Variants in PDGFC observed in about 807,000 individuals in gnomAD.
PDGFC encodes platelet derived growth factor C.
A neutral mutation model predicts 35.5 loss-of-function variants in PDGFC; 12 were observed. The observed-to-expected ratio is 0.34, with a 90% CI of 0.22 to 0.55. The LOEUF (loss-of-function observed/expected upper bound fraction) is 0.55. Among genes scored for constraint, PDGFC ranks in the 20% least tolerant of loss-of-function variants. The probability of loss-of-function intolerance (pLI) is 0.91; values close to 1 mark genes in which losing one functional copy is unlikely to be tolerated. For missense variants in PDGFC, 322 were observed against 412.4 expected (o/e 0.78, Z 1.90); for synonymous variants, 159 against 148.8 (o/e 1.07, Z -0.50).
At chr4:156,818,885 C>T (rs1277833937) in intron 2 of PDGFC, among the ~76,000 whole-genome samples, 1 of 152,062 alleles carries the variant, frequency 6.6e-6, no homozygotes, top group Non-Finnish European at 1.5e-5. Flanking sequence ...GTTAATTGGC[C>T]TTGTTCCAAT....
At chr4:156,953,273 T>A (rs992030733) in intron 1 of PDGFC, among the ~76,000 whole-genome samples, 1 of 151,910 alleles carries the variant, frequency 6.6e-6, no homozygotes, top group East Asian at 1.9e-4. Flanking sequence ...GACAGAGATA[T>A]AGGACCACCT....
intron 2 of PDGFC, among the ~76,000 whole-genome samples, chr4:156,847,181 A>C (rs1283083903): frequency 6.6e-6 from 1 of 151,764 alleles, no homozygotes; most frequent in Admixed American, 6.6e-5. Flanking sequence ...AATTAGCTAC[A>C]TACATCCAAA....
intron 1 of PDGFC, among the ~76,000 whole-genome samples, chr4:156,850,988 C>G (rs1282133109): frequency 1.3e-5 from 2 of 152,156 alleles, no homozygotes; most frequent in Non-Finnish European, 2.9e-5. Context: ...GCTTTTCTCA[C>G]TGATCTTTGA....
At chr4:156,852,715 C>T (rs1248808103) in intron 1 of PDGFC, among the ~76,000 whole-genome samples, 1 of 152,030 alleles carries the variant, frequency 6.6e-6, no homozygotes, top group Non-Finnish European at 1.5e-5. Flanking sequence ...CAAGTGAGCC[C>T]ACAAGATAAA....
chr4:156,954,440 G>A (rs1225542738), intron 1 of PDGFC, among the ~76,000 whole-genome samples: 2 of 151,866 alleles, frequency 1.3e-5, no homozygotes, highest in East Asian at 3.9e-4. Flanking sequence ...CTAAAAATAA[G>A]AAAGCACATG....
chr4:156,932,559 T>G (rs189717522), intron 1 of PDGFC, among the ~76,000 whole-genome samples: 5 of 152,130 alleles, frequency 3.3e-5, no homozygotes, highest in African/African-American at 1.2e-4. Flanking sequence ...TGGAATACTA[T>G]GCAGCCATAA....
In PDGFC at chr4:156,962,708, TC is replaced by T. The variant is rs543658701; in HGVS notation, c.118+8077del. Among the ~76,000 whole-genome samples, 6 of 152,152 alleles carry T rather than the reference TC, an allele frequency of 3.9e-5. No homozygotes were observed. The South Asian group carries it at 1.2e-3, about 32-fold the overall frequency. ...GTCCTGGCTTGGAGTCAGACCAAGG[TC>T]CAAACATCTACCAGCTGTGGGACCT... On this transcript the variant is annotated intron_variant, in intron 1 of 5. Transcript: ENST00000502773.
chr4:156,969,016 G>A (rs1015375298), intron 1 of PDGFC, among the ~76,000 whole-genome samples: 1 of 152,170 alleles, frequency 6.6e-6, no homozygotes, highest in East Asian at 1.9e-4. Flanking sequence ...GGGATCACAA[G>A]AGAGAACTAA....
At chr4:156,826,985 A>C (rs1021159139) in intron 2 of PDGFC, among the ~76,000 whole-genome samples, 6 of 152,202 alleles carry the variant, frequency 3.9e-5, no homozygotes, top group African/African-American at 1.4e-4. Context: ...TTTTTGAAGT[A>C]TTTTAAGCAT....
intron 1 of PDGFC, among the ~76,000 whole-genome samples, chr4:156,965,840 A>G (rs892559596): frequency 6.6e-6 from 1 of 152,168 alleles, no homozygotes; most frequent in Non-Finnish European, 1.5e-5. Flanking sequence ...TAACCCCAAT[A>G]TGAACTAAAA....
At chr4:156,782,095 A>G (rs1730995138) in intron 3 of PDGFC, among the ~76,000 whole-genome samples, 2 of 152,168 alleles carry the variant, frequency 1.3e-5, no homozygotes, top group African/African-American at 4.8e-5. Flanking sequence ...CCCTACAAGG[A>G]AAATTCTGAA....
intron 4 of PDGFC, among the ~76,000 whole-genome samples, chr4:156,772,330 T>C (rs1371698349): frequency 6.6e-6 from 1 of 152,168 alleles, no homozygotes; most frequent in Non-Finnish European, 1.5e-5. Flanking sequence ...GCAGCTATGA[T>C]AATTTCTTTT....
intron 1 of PDGFC, among the ~76,000 whole-genome samples, chr4:156,939,578 G>A (rs1238053061): frequency 2.0e-5 from 3 of 152,018 alleles, no homozygotes; most frequent in Non-Finnish European, 4.4e-5. Flanking sequence ...CATCAGACTT[G>A]TATTATTAGC....
intron 1 of PDGFC, among the ~76,000 whole-genome samples, chr4:156,867,158 T>G (rs1165007654): frequency 6.6e-6 from 1 of 152,244 alleles, no homozygotes; most frequent in Non-Finnish European, 1.5e-5. Context: ...TATGTTAGCA[T>G]GAATATTAAG....
chr4:156,891,567 G>A (rs935639896), intron 1 of PDGFC, among the ~76,000 whole-genome samples: 4 of 152,094 alleles, frequency 2.6e-5, no homozygotes, highest in African/African-American at 4.8e-5. Flanking sequence ...GTTTGGCATC[G>A]CTGAGGACAT....
intron 1 of PDGFC, among the ~76,000 whole-genome samples, chr4:156,937,458 G>A (rs1731710375): frequency 6.6e-6 from 1 of 152,148 alleles, no homozygotes; most frequent in Non-Finnish European, 1.5e-5. Context: ...CCAGCAATTT[G>A]GGAGGCTGAG....
chr4:156,895,398 G>A (rs1730607763), intron 1 of PDGFC, among the ~76,000 whole-genome samples: 1 of 152,098 alleles, frequency 6.6e-6, no homozygotes, highest in Non-Finnish European at 1.5e-5. Flanking sequence ...ACTTTGGGAG[G>A]CTGAGGTGGG....
intron 1 of PDGFC, among the ~76,000 whole-genome samples, chr4:156,885,116 T>C (rs1356806489): frequency 1.3e-5 from 2 of 151,604 alleles, no homozygotes; most frequent in South Asian, 2.1e-4. Flanking sequence ...AGAAATAGAA[T>C]ATGGGGAGAA....
At chr4:156,865,418 T>TA in intron 1 of PDGFC, among the ~76,000 whole-genome samples, 1 of 152,304 alleles carries the variant, frequency 6.6e-6, no homozygotes, top group African/African-American at 2.4e-5. Context: ...AAAAGCTTTT[T>TA]ATCAGAAAAT....
Sources: gnomAD v4.1 joint callset for allele counts (sites outside exome capture counted in the v4.1 genomes callset) on GRCh38, gnomAD v4.1.1 for gene constraint, MANE v1.5 for transcripts, NCBI Gene and HGNC (gene_info 2026-07-23, HGNC 2026-07-21) for gene names.